Variants in PRKG1 observed in about 807,000 individuals in gnomAD.
PRKG1 encodes cGMP-dependent protein kinase 1.
Under a neutral mutation model 88.1 loss-of-function variants are expected in PRKG1, and 35 were observed. The ratio of observed to expected loss-of-function variants is 0.40; its 90% confidence interval spans 0.30 to 0.53. PRKG1 has a LOEUF of 0.53. Among genes scored for constraint, PRKG1 ranks in the 20% least tolerant of loss-of-function variants. The pLI, the probability that PRKG1 is intolerant of heterozygous loss-of-function variation, is 0.59. For missense variants in PRKG1, 540 were observed against 839.8 expected, an observed-to-expected ratio of 0.64 and a Z score of 4.41; for synonymous variants, 303 against 292.5, an observed-to-expected ratio of 1.04 and a Z score of -0.37.
chr10:52,189,890 G>A (rs1839320631), intron 9 of PRKG1, among the ~76,000 whole-genome samples: 1 of 152,196 alleles, frequency 6.6e-6, no homozygotes, highest in Admixed American at 6.5e-5. Flanking sequence ...GCTTTTTAGA[G>A]CCACATCTTT....
At chr10:52,267,545 C>A (rs920277102) in intron 10 of PRKG1, among the ~76,000 whole-genome samples, 1 of 151,926 alleles carries the variant, frequency 6.6e-6, no homozygotes, top group Non-Finnish European at 1.5e-5. Context: ...AAGTAAAAAT[C>A]AACTAAAAAT....
chr10:51,245,202 T>A (rs1212451798), intron 2 of PRKG1: 2 of 152,084 alleles, frequency 1.3e-5, no homozygotes, highest in Admixed American at 6.6e-5. Context: ...AAATTAGATT[T>A]TTTTTACTCT....
chr10:51,583,068 T>C (rs570789031), intron 3 of PRKG1, among the ~76,000 whole-genome samples: 1 of 152,260 alleles, frequency 6.6e-6, no homozygotes, highest in Non-Finnish European at 1.5e-5. Context: ...CTAATTGTCA[T>C]ATGTAAAATA....
chr10:52,221,734 A>G (rs1840251156), intron 9 of PRKG1, among the ~76,000 whole-genome samples: 1 of 152,222 alleles, frequency 6.6e-6, no homozygotes, highest in South Asian at 2.1e-4. Flanking sequence ...GATCTAAAAC[A>G]AGACTTAGAA....
At chr10:52,230,773 A>C (rs1265640197) in intron 9 of PRKG1, 1 of 152,218 alleles carries the variant, frequency 6.6e-6, no homozygotes, top group Non-Finnish European at 1.5e-5. Context: ...TGACCCTATC[A>C]AAAGATAATG....
intron 4 of PRKG1, among the ~76,000 whole-genome samples, chr10:51,807,111 G>T (rs947151329): frequency 6.6e-6 from 1 of 152,032 alleles, no homozygotes; most frequent in Non-Finnish European, 1.5e-5. Context: ...TAGAACTAGG[G>T]TTATTTCTTA....
At chr10:51,411,522 A>T (rs1838088105) in intron 2 of PRKG1, among the ~76,000 whole-genome samples, 1 of 152,202 alleles carries the variant, frequency 6.6e-6, no homozygotes, top group Non-Finnish European at 1.5e-5. Context: ...AGAATAACGG[A>T]TAATGGCAGG....
intron 1 of PRKG1, among the ~76,000 whole-genome samples, chr10:51,120,737 G>A (rs145194177): frequency 9.3e-4 from 141 of 152,268 alleles, no homozygotes; most frequent in African/African-American, 3.2e-3. Flanking sequence ...CATGTATTAA[G>A]TGTCTCTTAG....
At chr10:52,287,386 C>CCCTTAACAGCCCTTAA in intron 14 of PRKG1, among the ~76,000 whole-genome samples, 1 of 152,010 alleles carries the variant, frequency 6.6e-6, no homozygotes, top group South Asian at 2.1e-4. Flanking sequence ...AAAGCAGAAT[C>CCCTTAACAGCCCTTAA]CATCACAGCC....
chr10:51,725,879 T>G (rs1232730266), intron 3 of PRKG1, among the ~76,000 whole-genome samples: 1 of 152,170 alleles, frequency 6.6e-6, no homozygotes, highest in Non-Finnish European at 1.5e-5. Context: ...CTTCAAGTGA[T>G]CCACCTGCCT....
chr10:51,284,594 TA>T (rs1840385081), intron 2 of PRKG1, among the ~76,000 whole-genome samples: 1 of 152,204 alleles, frequency 6.6e-6, no homozygotes, highest in Non-Finnish European at 1.5e-5. Context: ...TTCCTGCAAA[TA>T]AAAAAGTCTA....
chr10:51,711,939 G>GA (rs1233596025), intron 3 of PRKG1, among the ~76,000 whole-genome samples: 2 of 152,068 alleles, frequency 1.3e-5, no homozygotes, highest in Non-Finnish European at 2.9e-5. Context: ...TGTAGGGAAG[G>GA]AAAAATATAT....
At chr10:52,002,875 T>A (rs1272388401) in intron 5 of PRKG1, among the ~76,000 whole-genome samples, 2 of 152,126 alleles carry the variant, frequency 1.3e-5, no homozygotes, top group Admixed American at 6.6e-5. Flanking sequence ...ATTAAAATAT[T>A]TTTTTTTCTA....
At chr10:51,482,650 A>C (rs968138723) in intron 3 of PRKG1, among the ~76,000 whole-genome samples, 5 of 151,790 alleles carry the variant, frequency 3.3e-5, no homozygotes, top group African/African-American at 1.2e-4. Context: ...GCTCACCTTC[A>C]CTCCCCAAGC....
intron 2 of PRKG1, among the ~76,000 whole-genome samples, chr10:51,426,375 A>G (rs912941955): frequency 1.3e-5 from 2 of 152,174 alleles, no homozygotes; most frequent in Non-Finnish European, 2.9e-5. Flanking sequence ...CAAGCACTGC[A>G]TTAGGCACCA....
intron 3 of PRKG1, among the ~76,000 whole-genome samples, chr10:51,792,453 A>G (rs1413177412): frequency 1.3e-5 from 2 of 152,028 alleles, no homozygotes; most frequent in African/African-American, 4.8e-5. Flanking sequence ...CACAGCCTCC[A>G]TTACCAGCTT....
intron 3 of PRKG1, among the ~76,000 whole-genome samples, chr10:51,779,519 G>A (rs557873998): frequency 6.6e-6 from 1 of 152,128 alleles, no homozygotes; most frequent in Non-Finnish European, 1.5e-5. Flanking sequence ...TCATAAAACA[G>A]TATGTTTCCT....
In PRKG1 at chr10:51,340,613, G is replaced by A. The variant is rs191844673; in HGVS notation, c.479-127110G>A. Among the ~76,000 whole-genome samples, 822 of 152,290 alleles carry A rather than the reference G, an allele frequency of 5.4e-3. 7 individuals carry two copies. The highest frequency in any genetic ancestry group is 0.019 in the African/African-American group (784 of 41,570). On this transcript the variant is annotated intron_variant, in intron 2 of 17. Coordinates refer to ENST00000373980, the MANE Select transcript of PRKG1 (RefSeq NM_006258.4). ...AGCCAGGCATAATGCCCTACTAAGA[G>A]AAGAAATTACTGCATCAAATCACTC...
At chr10:51,210,499 A>T (rs1227708560) in intron 2 of PRKG1, among the ~76,000 whole-genome samples, 1 of 152,148 alleles carries the variant, frequency 6.6e-6, no homozygotes, top group African/African-American at 2.4e-5. Context: ...GACACAAAAA[A>T]CCCTTCAAAA....
Sources: allele counts gnomAD v4.1 joint callset (sites outside exome capture counted in the v4.1 genomes callset), GRCh38; gene constraint gnomAD v4.1.1; transcripts MANE v1.5; gene names NCBI Gene and HGNC (gene_info 2026-07-23, HGNC 2026-07-21).